SYTL2: variants seen among roughly 807,000 people sequenced by gnomAD.
SYTL2 encodes the protein synaptotagmin like 2, also known as synaptotagmin-like protein 2.
Under a neutral mutation model 198.7 loss-of-function variants are expected in SYTL2, and 165 were observed. The observed-to-expected ratio is 0.83, with a 90% CI of 0.73 to 0.94. The LOEUF is 0.94. SYTL2 is among the 40% of genes least tolerant of loss of function. SYTL2 has a pLI of 0.00. For synonymous variants in SYTL2, 966 were observed against 917.7 expected, an observed-to-expected ratio of 1.05 and a Z score of -0.95; for missense variants, 2,835 against 2,582.8, an observed-to-expected ratio of 1.10 and a Z score of -2.12.
At chr11:85,770,970 G>T (rs531630355) in intron 1 of SYTL2, among the ~76,000 whole-genome samples, 1 of 152,314 alleles carries the variant, frequency 6.6e-6, no homozygotes, top group Non-Finnish European at 1.5e-5. Flanking sequence ...TTTCTCATCT[G>T]TAAAATGGGC....
chr11:85,780,554 C>A (rs557134387), intron 1 of SYTL2, among the ~76,000 whole-genome samples: 1 of 152,308 alleles, frequency 6.6e-6, no homozygotes, highest in South Asian at 2.1e-4. Flanking sequence ...AACGAAGCTG[C>A]CATAAAATCC....
intron 13 of SYTL2, 24 bp downstream of exon 13, chr11:85,711,089 A>G (rs1176471706): frequency 1.9e-6 from 3 of 1,612,488 alleles, no homozygotes; most frequent in South Asian, 1.1e-5. Context: ...GAGAGATATT[A>G]ATATGGAGCC....
chr11:85,827,736 T>C, the SYTL2 span, among the ~76,000 whole-genome samples: 7 of 152,196 alleles, frequency 4.6e-5, no homozygotes, highest in African/African-American at 1.7e-4. Context: ...GGTTCAGAAA[T>C]GTTGACAGCC....
the SYTL2 span, among the ~76,000 whole-genome samples, chr11:85,835,348 C>T: frequency 0.16 from 23,996 of 152,060 alleles, 2,070 homozygotes; most frequent in Middle Eastern, 0.2. Flanking sequence ...TCTAACTTCA[C>T]TTACTCCATC....
chr11:85,846,869 G>T, the SYTL2 span, among the ~76,000 whole-genome samples: 2 of 151,038 alleles, frequency 1.3e-5, no homozygotes, highest in African/African-American at 2.4e-5. Flanking sequence ...AAGTAGCTGG[G>T]ATTTACAGGC....
chr11:85,744,627 C>G lies in SYTL2; in HGVS notation c.389+1010G>C, dbSNP rs183507056. 9.9e-4 allele frequency among the ~76,000 whole-genome samples: 151 copies of G among 152,288 alleles called. 1 individual carries two copies. The highest frequency in any genetic ancestry group is 3.5e-3 in the African/African-American group (144 of 41,566). On this transcript the variant is annotated intron_variant, in intron 4 of 19. Transcript: ENST00000359152. ...TACCTATTGGTACTTATATCATATA[C>G]CCTCCCTGACACCTATAAACTATGC...
intron 13 of SYTL2, 40 bp downstream of exon 13, chr11:85,711,073 G>C (rs767467670): frequency 1.9e-5 from 31 of 1,606,468 alleles, no homozygotes; most frequent in Non-Finnish European, 2.5e-5. Context: ...AAGGTTCAGA[G>C]ACGCGGAGAG....
the SYTL2 span, among the ~76,000 whole-genome samples, chr11:85,838,380 T>C: frequency 1.3e-5 from 2 of 152,148 alleles, no homozygotes; most frequent in African/African-American, 4.8e-5. Context: ...GATATAGACA[T>C]AGGTGTATGT....
rs1339045348 is a variant in SYTL2 at position 85,733,929 on chromosome 11, A to G, written c.1390+10T>C. On this transcript the variant is annotated intron_variant, in intron 7 of 19. Coordinates refer to ENST00000359152, the MANE Select transcript of SYTL2 (RefSeq NM_206927.4). Reference sequence around the variant, plus strand: ...AAGTTTTTATAATCTAGTAGTGACAACTCTCTTACCAGCAGGGCTTCTGGG... The same window carrying G: ...AAGTTTTTATAATCTAGTAGTGACAGCTCTCTTACCAGCAGGGCTTCTGGG... 3 of 1,611,418 alleles carry G rather than the reference A, an allele frequency of 1.9e-6. No individual in the cohort carries two copies. Among genetic ancestry groups the G allele is most frequent in the Non-Finnish European group, 2.5e-6 (3 of 1,178,516 alleles).
the SYTL2 span, among the ~76,000 whole-genome samples, chr11:85,843,200 C>T: frequency 2.0e-5 from 3 of 151,894 alleles, no homozygotes; most frequent in Non-Finnish European, 4.4e-5. Flanking sequence ...ATGGTGAAAC[C>T]CTGTCTGTAA....
intron 9 of SYTL2, chr11:85,719,508 T>A (rs183207231): frequency 4.9e-4 from 88 of 181,214 alleles, no homozygotes; most frequent in African/African-American, 2.1e-3. Context: ...TTCTGAGATT[T>A]TTTTTTTCTT....
chr11:85,801,695 C>G (rs1276380025), intron 1 of SYTL2, among the ~76,000 whole-genome samples: 1 of 152,158 alleles, frequency 6.6e-6, no homozygotes, highest in African/African-American at 2.4e-5. Context: ...AGGGCAGCCT[C>G]CAAGATAAAG....
chr11:85,823,218 A>T, the SYTL2 span, among the ~76,000 whole-genome samples: 1 of 152,284 alleles, frequency 6.6e-6, no homozygotes, highest in Non-Finnish European at 1.5e-5. Context: ...TTTCTGACAC[A>T]TAGTAGGCAC....
intron 1 of SYTL2, among the ~76,000 whole-genome samples, chr11:85,790,712 T>C (rs1187121689): frequency 2.0e-5 from 3 of 152,168 alleles, no homozygotes; most frequent in Admixed American, 2.0e-4. Context: ...CTGTTCAGGA[T>C]AACTGGGATG....
chr11:85,753,489 AT>A (rs2091672595), intron 2 of SYTL2, among the ~76,000 whole-genome samples: 1 of 152,134 alleles, frequency 6.6e-6, no homozygotes, highest in South Asian at 2.1e-4. Flanking sequence ...CCCAGTGACT[AT>A]TTCCTTGGGT....
the SYTL2 span, among the ~76,000 whole-genome samples, chr11:85,834,946 G>C: frequency 6.6e-6 from 1 of 151,790 alleles, no homozygotes; most frequent in African/African-American, 2.4e-5. Flanking sequence ...TTTTTGTAGA[G>C]ACTGGATGTC....
At chr11:85,836,925 AC>A in the SYTL2 span, among the ~76,000 whole-genome samples, 1 of 152,138 alleles carries the variant, frequency 6.6e-6, no homozygotes, top group African/African-American at 2.4e-5. Flanking sequence ...GGCATTTTTA[AC>A]CCTCAGAAAT....
chr11:85,766,255 T>A (rs2092235378), intron 1 of SYTL2, among the ~76,000 whole-genome samples: 1 of 152,188 alleles, frequency 6.6e-6, no homozygotes, highest in Non-Finnish European at 1.5e-5. Flanking sequence ...CCAGTCTTGA[T>A]AAATGTGCTA....
intron 3 of SYTL2, among the ~76,000 whole-genome samples, chr11:85,746,275 C>T (rs953342047): frequency 2.0e-5 from 3 of 152,202 alleles, no homozygotes; most frequent in South Asian, 4.1e-4. Flanking sequence ...CTCCTCCCCA[C>T]AGTCTCTACA....
Sources: allele counts gnomAD v4.1 joint callset (sites outside exome capture counted in the v4.1 genomes callset), GRCh38; gene constraint gnomAD v4.1.1; transcripts MANE v1.5; gene names NCBI Gene and HGNC (gene_info 2026-07-23, HGNC 2026-07-21).